Variants in CEP128 observed in about 807,000 individuals in gnomAD.
CEP128 encodes centrosomal protein 128.
A neutral mutation model predicts 156.7 loss-of-function variants in CEP128; 132 were observed. That is an observed-to-expected ratio of 0.84 (90% CI 0.73 to 0.97). The LOEUF (loss-of-function observed/expected upper bound fraction) is 0.97. CEP128 is among the 50% of genes least tolerant of loss of function. The pLI, the probability that CEP128 is intolerant of heterozygous loss-of-function variation, is 0.00. For missense variants in CEP128, 1,252 were observed against 1,281.9 expected, an observed-to-expected ratio of 0.98 and a Z score of 0.36; for synonymous variants, 469 against 448.9, an observed-to-expected ratio of 1.04 and a Z score of -0.57.
At chr14:80,635,610 T>C (rs920773904) in intron 19 of CEP128, among the ~76,000 whole-genome samples, 17 of 152,202 alleles carry the variant, frequency 1.1e-4, no homozygotes, top group Non-Finnish European at 8.8e-5. Flanking sequence ...TTCAATAAAT[T>C]AATCAATCCA....
intron 2 of CEP128, chr14:80,955,296 G>T: frequency 2.6e-6 from 1 of 391,802 alleles, no homozygotes; most frequent in African/African-American, 2.0e-5. Context: ...GAGGAGGAAA[G>T]GAGGGGGCAT....
intron 2 of CEP128, among the ~76,000 whole-genome samples, chr14:80,934,976 T>C (rs1594866088): frequency 6.6e-6 from 1 of 152,226 alleles, no homozygotes; most frequent in Non-Finnish European, 1.5e-5. Flanking sequence ...AAGTGCTTTA[T>C]GTATGCTCTC....
chr14:80,859,085 G>C (rs1160377255), intron 9 of CEP128, among the ~76,000 whole-genome samples: 2 of 150,446 alleles, frequency 1.3e-5, no homozygotes, highest in Non-Finnish European at 3.0e-5. Flanking sequence ...CTGCTATAAA[G>C]ACACATGCAC....
At chr14:80,502,723 T>A (rs1239240831) in intron 24 of CEP128, among the ~76,000 whole-genome samples, 2 of 152,180 alleles carry the variant, frequency 1.3e-5, no homozygotes, top group East Asian at 1.9e-4. Flanking sequence ...CTTTAAAACA[T>A]CCTCTGTTCC....
chr14:80,664,960 T>C (rs1895552493), intron 19 of CEP128, among the ~76,000 whole-genome samples: 1 of 152,246 alleles, frequency 6.6e-6, no homozygotes, highest in Non-Finnish European at 1.5e-5. Context: ...CTTTAGATCA[T>C]ATCCTGCCAC....
intron 8 of CEP128, among the ~76,000 whole-genome samples, chr14:80,891,072 G>A (rs1396351002): frequency 1.3e-5 from 2 of 151,930 alleles, no homozygotes; most frequent in Non-Finnish European, 2.9e-5. Context: ...CAAGGGTGTG[G>A]AAAAAAGAGA....
intron 14 of CEP128, among the ~76,000 whole-genome samples, chr14:80,790,232 A>AAAC (rs756910892): frequency 1.7e-4 from 26 of 152,106 alleles, no homozygotes; most frequent in Non-Finnish European, 1.9e-4. Flanking sequence ...AAACAAAACA[A>AAAC]AACAACAACA....
At chr14:80,724,602 T>C (rs1393722287) in intron 19 of CEP128, among the ~76,000 whole-genome samples, 1 of 152,090 alleles carries the variant, frequency 6.6e-6, no homozygotes, top group Non-Finnish European at 1.5e-5. Flanking sequence ...GATTATTCTA[T>C]GTTTACCTTA....
chr14:80,673,452 G>A (rs1280723752), intron 19 of CEP128, among the ~76,000 whole-genome samples: 1 of 145,800 alleles, frequency 6.9e-6, no homozygotes, highest in Non-Finnish European at 1.5e-5. Context: ...GACCATCCCG[G>A]CTAAAACGGT....
chr14:80,621,434 A>C (rs1180059636), intron 19 of CEP128, among the ~76,000 whole-genome samples: 1 of 152,210 alleles, frequency 6.6e-6, no homozygotes, highest in Non-Finnish European at 1.5e-5. Flanking sequence ...TATATATAAC[A>C]AAACATTGTG....
At chr14:80,615,093 A>T (rs1175096923) in intron 19 of CEP128, among the ~76,000 whole-genome samples, 1 of 152,232 alleles carries the variant, frequency 6.6e-6, no homozygotes, top group Non-Finnish European at 1.5e-5. Flanking sequence ...GGTTTGGAGT[A>T]TGTTAATCAT....
At chr14:80,758,892 A>G (rs764467459) in intron 17 of CEP128, among the ~76,000 whole-genome samples, 17 of 152,224 alleles carry the variant, frequency 1.1e-4, no homozygotes, top group Non-Finnish European at 2.2e-4. Context: ...AAGAGCTTAC[A>G]TAACTTATCC....
At chr14:80,522,085 T>C (rs1329651498) in intron 23 of CEP128, among the ~76,000 whole-genome samples, 1 of 152,228 alleles carries the variant, frequency 6.6e-6, no homozygotes, top group Non-Finnish European at 1.5e-5. Context: ...TTGCCACTAC[T>C]ATTCCTAAGC....
At chr14:80,740,295 A>G (rs1815059442) in intron 19 of CEP128, among the ~76,000 whole-genome samples, 1 of 152,108 alleles carries the variant, frequency 6.6e-6, no homozygotes, top group Non-Finnish European at 1.5e-5. Context: ...TAGAAACTCT[A>G]TGCTAGGTGA....
At chr14:80,653,216 G>A (rs1038735423) in intron 19 of CEP128, among the ~76,000 whole-genome samples, 2 of 152,110 alleles carry the variant, frequency 1.3e-5, no homozygotes, top group Non-Finnish European at 2.9e-5. Flanking sequence ...GATAGCATTA[G>A]GAGAAATACC....
At chr14:80,654,994 C>T (rs1347749203) in intron 19 of CEP128, among the ~76,000 whole-genome samples, 1 of 152,166 alleles carries the variant, frequency 6.6e-6, no homozygotes, top group Non-Finnish European at 1.5e-5. Context: ...TCATAACTCT[C>T]AGTCACCGTT....
At chr14:80,898,777 T>C (rs1482450691) in intron 7 of CEP128, among the ~76,000 whole-genome samples, 1 of 152,226 alleles carries the variant, frequency 6.6e-6, no homozygotes, top group Non-Finnish European at 1.5e-5. Context: ...GTCTTACCAG[T>C]TTAAAAGGTT....
At chr14:80,741,705 T>G (rs1284427327) in intron 19 of CEP128, among the ~76,000 whole-genome samples, 1 of 152,180 alleles carries the variant, frequency 6.6e-6, no homozygotes, top group Non-Finnish European at 1.5e-5. Flanking sequence ...CACTTATAGA[T>G]AGGTTAACTT....
chr14:80,695,800 A>G (rs1595235119), intron 19 of CEP128, among the ~76,000 whole-genome samples: 1 of 152,104 alleles, frequency 6.6e-6, no homozygotes, highest in Non-Finnish European at 1.5e-5. Context: ...CTAGGAAAGT[A>G]GCAGTATTAA....
Sources: gnomAD v4.1 joint callset for allele counts (sites outside exome capture counted in the v4.1 genomes callset) on GRCh38, gnomAD v4.1.1 for gene constraint, MANE v1.5 for transcripts, NCBI Gene and HGNC (gene_info 2026-07-23, HGNC 2026-07-21) for gene names.